The following CCDC158 variants were observed in gnomAD, a reference collection of about 807,000 sequenced individuals.
CCDC158 encodes the protein coiled-coil domain-containing protein 158.
In CCDC158, 116 loss-of-function variants were observed where a neutral mutation model predicts 138.6. The ratio of observed to expected loss-of-function variants is 0.84; its 90% CI spans 0.72 to 0.98. The LOEUF (loss-of-function observed/expected upper bound fraction) is 0.98. Among genes scored for constraint, CCDC158 ranks in the 50% least tolerant of loss-of-function variants. CCDC158 has a pLI of 0.00. For synonymous variants in CCDC158, 436 were observed against 442.4 expected, an observed-to-expected ratio of 0.99 and a Z score of 0.18; for missense variants, 1,265 against 1,306.1, an observed-to-expected ratio of 0.97 and a Z score of 0.48.
intron 18 of CCDC158, chr4:76,344,914 A>C: frequency 6.5e-7 from 1 of 1,540,570 alleles, no homozygotes. Flanking sequence ...AAAATACTAA[A>C]GAAATGTTTG....
intron 1 of CCDC158, among the ~76,000 whole-genome samples, chr4:76,420,142 A>T (rs188443733): frequency 6.6e-6 from 1 of 151,442 alleles, no homozygotes; most frequent in Admixed American, 6.6e-5. Context: ...AGATAGGAGG[A>T]CCACATCTCT....
At chr4:76,364,329 G>A (rs1009425410) in intron 12 of CCDC158, among the ~76,000 whole-genome samples, 42 of 152,076 alleles carry the variant, frequency 2.8e-4, no homozygotes, top group Non-Finnish European at 2.9e-4. Flanking sequence ...ATCTGTGTTG[G>A]TAAGGCTTCC....
Position 76,384,171 on chromosome 4 carries a change from A to C in CCDC158, c.643T>G (p.Phe215Val), listed in dbSNP as rs1302252106. The C allele has an allele frequency of 3.1e-6, 5 of 1,614,052 alleles. No individual in the cohort carries two copies. ...CTAATAGCTGAGCCCAAGCTGCGGAAGTGCAGAGTAGACATGCTGTCATGT... is the reference window on the plus strand; with the variant it reads ...CTAATAGCTGAGCCCAAGCTGCGGACGTGCAGAGTAGACATGCTGTCATGT... ...CEHDSMSTLH[F>V]RSLGSAISKI... Residue 215 changes from phenylalanine to valine, a missense_variant, in exon 6 of 25, where the codon TTC (phenylalanine) becomes GTC (valine). Physicochemically the swap from Phe to Val is conservative, Grantham distance 50. Transcript: ENST00000682701.
At chr4:76,325,233 TTGA>T (rs1182484486) in intron 23 of CCDC158, among the ~76,000 whole-genome samples, 1 of 152,222 alleles carries the variant, frequency 6.6e-6, no homozygotes, top group African/African-American at 2.4e-5. Context: ...AAGAAATAAC[TTGA>T]TGATAATACA....
chr4:76,375,740 C>G, intron 9 of CCDC158: 1 of 621,390 alleles, frequency 1.6e-6, no homozygotes. Context: ...AACAGCATTA[C>G]AGTAAAACAC....
At chr4:76,421,443 G>A (rs1405443523), upstream of CCDC158, among the ~76,000 whole-genome samples, 1 of 152,070 alleles carries the variant, frequency 6.6e-6, no homozygotes, top group African/African-American at 2.4e-5. Flanking sequence ...CCTGGGTTCG[G>A]ACCTGCACCC....
intron 4 of CCDC158, among the ~76,000 whole-genome samples, chr4:76,387,956 T>G (rs1042957586): frequency 1.2e-4 from 18 of 151,904 alleles, no homozygotes; most frequent in African/African-American, 4.1e-4. Context: ...GAGGTTGCAG[T>G]GAGCTGAGAT....
At chr4:76,384,737 G>T in intron 4 of CCDC158, 72 bp from the exon 5 acceptor site, 2 of 975,184 alleles carry the variant, frequency 2.1e-6, no homozygotes, top group South Asian at 1.4e-5. Context: ...AACTTCCAAA[G>T]ATCTATATAT....
chr4:76,418,724 T>G (rs563653524), intron 1 of CCDC158, among the ~76,000 whole-genome samples: 1 of 152,272 alleles, frequency 6.6e-6, no homozygotes, highest in African/African-American at 2.4e-5. Context: ...CCTGCCCCCA[T>G]GATTCAATTA....
intron 24 of CCDC158, among the ~76,000 whole-genome samples, chr4:76,319,161 AC>A (rs1353744621): frequency 3.3e-5 from 5 of 151,888 alleles, no homozygotes; most frequent in Non-Finnish European, 7.4e-5. Context: ...AGTCCCAGCT[AC>A]TTGGGAGGCT....
At chr4:76,339,909 G>A (rs534232421) in intron 18 of CCDC158, among the ~76,000 whole-genome samples, 21 of 152,164 alleles carry the variant, frequency 1.4e-4, no homozygotes, top group Non-Finnish European at 2.8e-4. Flanking sequence ...TACACCCACA[G>A]CATACACGTC....
Position 76,357,493 on chromosome 4 carries a change from T to C in CCDC158, c.2054A>G (p.Asn685Ser), listed in dbSNP as rs936710429. 4.4e-6 allele frequency: 7 copies of C among 1,600,316 alleles called. No individual in the cohort carries two copies. Among genetic ancestry groups the C allele is most frequent in the South Asian group, 1.1e-5 (1 of 88,392 alleles). The change falls in exon 14 of 25, where the codon AAC (asparagine) becomes AGC (serine). Residue 685 changes from asparagine to serine, a missense_variant. Asn to Ser is a conservative substitution (Grantham distance 46). Transcript: ENST00000682701. ...EYEVLKRNFR[N>S]KSEEMEMTTN... ...AGTCATTTCCATTTCTTCACTTTTG[T>C]TTCGGAAATTCCTTTTTAAGACTTC... is the stretch of plus-strand genomic sequence containing the variant.
Position 76,369,528 on chromosome 4 carries a change from G to A in CCDC158, c.1245C>T (p.Asp415=), listed in dbSNP as rs528511233. 21 of 1,614,166 alleles carry A rather than the reference G, an allele frequency of 1.3e-5. No individual in the cohort carries two copies. The highest frequency in any genetic ancestry group is 3.3e-5 in the South Asian group (3 of 91,070). ...DRDTGNSITI[D]HLRRELDNRN... ...GGTTGTCCAGTTCCCGCCGCAGGTG[G>A]TCAATGGTGATGCTGTTGCCTGTGT... The change falls in exon 11 of 25, where the codon GAC becomes GAT. Residue 415 remains aspartate (D), a synonymous_variant. Transcript: ENST00000682701.
intron 1 of CCDC158, among the ~76,000 whole-genome samples, chr4:76,420,258 C>T (rs191682396): frequency 6.6e-6 from 1 of 152,184 alleles, no homozygotes; most frequent in Admixed American, 6.5e-5. Flanking sequence ...CCCACACGCC[C>T]CCGCCATACC....
At chr4:76,316,049 C>T (rs1210526221) in intron 24 of CCDC158, among the ~76,000 whole-genome samples, 1 of 152,138 alleles carries the variant, frequency 6.6e-6, no homozygotes, top group Non-Finnish European at 1.5e-5. Flanking sequence ...TATGACAAAA[C>T]AAGGTTTGAT....
chr4:76,387,373 G>A (rs981519200), intron 4 of CCDC158, among the ~76,000 whole-genome samples: 7 of 152,040 alleles, frequency 4.6e-5, no homozygotes, highest in African/African-American at 1.2e-4. Context: ...TCCTGGAATC[G>A]TTCATTACCT....
At position 76,379,408 on chromosome 4, in the gene CCDC158, A is replaced by G. The variant is rs1244547213; in HGVS notation, c.915-4T>C. On this transcript the variant is annotated splice_polypyrimidine_tract_variant and splice_region_variant and intron_variant, in intron 8 of 24. Coordinates refer to ENST00000682701, the MANE Select transcript of CCDC158 (RefSeq NM_001394954.1). ...GTTTTGGTTTCTTGCTTGCTCTCTA[A>G]GAAGAGTTTAGAAGGGGAATAAGTG... The G allele has an allele frequency of 1.3e-6, 2 of 1,555,670 alleles. No individual in the cohort carries two copies. The highest frequency in any genetic ancestry group is 1.7e-6 in the Non-Finnish European group (2 of 1,144,026).
At chr4:76,333,960 C>A in intron 19 of CCDC158, 50 bp downstream of exon 19, 4 of 1,377,496 alleles carry the variant, frequency 2.9e-6, no homozygotes, top group African/African-American at 1.4e-5. Flanking sequence ...AACTCAATGG[C>A]AAACCATTCA....
intron 24 of CCDC158, among the ~76,000 whole-genome samples, chr4:76,314,869 ACT>A (rs1279104102): frequency 6.6e-6 from 1 of 152,042 alleles, no homozygotes; most frequent in Non-Finnish European, 1.5e-5. Context: ...CTGGGCACAA[ACT>A]CTTTTGAGCG....
Sources: gnomAD v4.1 joint callset for allele counts (sites outside exome capture counted in the v4.1 genomes callset) on GRCh38, gnomAD v4.1.1 for gene constraint, MANE v1.5 for transcripts, NCBI Gene and HGNC (gene_info 2026-07-23, HGNC 2026-07-21) for gene names.